The following USP3 variants were observed in gnomAD, a reference collection of about 807,000 sequenced individuals.
USP3 encodes ubiquitin carboxyl-terminal hydrolase 3.
In USP3, 20 loss-of-function variants were observed where a neutral mutation model predicts 72.3. The observed-to-expected ratio is 0.28, with a 90% CI of 0.19 to 0.40. The LOEUF (loss-of-function observed/expected upper bound fraction) is 0.40, where lower values mean the gene tolerates loss of function less well. Ranked by LOEUF, USP3 falls within the 10% of genes least tolerant of loss-of-function variation. The probability of loss-of-function intolerance (pLI) is 1.00; values close to 1 mark genes in which losing one functional copy is unlikely to be tolerated. For synonymous variants in USP3, 222 were observed against 225.3 expected, an observed-to-expected ratio of 0.99 and a Z score of 0.13; for missense variants, 479 against 633.9, an observed-to-expected ratio of 0.76 and a Z score of 2.62.
chr15:63,554,322 C>T (rs564640115), intron 4 of USP3, among the ~76,000 whole-genome samples: 8 of 152,294 alleles, frequency 5.3e-5, no homozygotes, highest in Non-Finnish European at 1.0e-4. Flanking sequence ...GTTGACATTA[C>T]AAGGAGCTAT....
At chr15:63,585,872 G>T (rs2067050462) in intron 11 of USP3, among the ~76,000 whole-genome samples, 1 of 123,702 alleles carries the variant, frequency 8.1e-6, no homozygotes, top group African/African-American at 3.0e-5. Context: ...TGCTATTCTT[G>T]GTCTTTTGCC....
rs28433624 is a variant in USP3 at position 63,513,871 on chromosome 15, G to A, written c.91+9041G>A. Among the ~76,000 whole-genome samples the A allele has an allele frequency of 1.3e-3, 204 of 152,240 alleles. 1 individual carries two copies. Among genetic ancestry groups the A allele is most frequent in the African/African-American group, 4.7e-3 (196 of 41,550 alleles). ...TTAGAAAAATGTTCTACTATATTAG[G>A]CATTTAAAAAATAACTGTATAATAT... On this transcript the variant is annotated intron_variant, in intron 1 of 14. Transcript: ENST00000380324.
In USP3 at chr15:63,553,963, C is replaced by G. The variant is rs913675623; in HGVS notation, c.368+165C>G. 6.6e-6 allele frequency among the ~76,000 whole-genome samples: 1 copy of G among 151,846 alleles called. No individual in the cohort carries two copies. Among genetic ancestry groups the G allele is most frequent in the African/African-American group, 2.4e-5 (1 of 41,328 alleles). ...TGGCTTTGGATAGCTAAAACTTGGC[C>G]CATAGTTAATGGTCATAGCTGTGCA... On this transcript the variant is annotated intron_variant, in intron 4 of 14. Coordinates refer to ENST00000380324, the MANE Select transcript of USP3 (RefSeq NM_006537.4). The surrounding 1 kb of genome is among the most constrained non-coding windows in gnomAD (Gnocchi z 4.2).
intron 14 of USP3, among the ~76,000 whole-genome samples, chr15:63,589,406 A>G (rs1163142447): frequency 6.6e-6 from 1 of 152,202 alleles, no homozygotes; most frequent in East Asian, 1.9e-4. Context: ...TTTTCCCCTG[A>G]AAGTTTGTAT....
chr15:63,522,289 C>T (rs758973689), intron 1 of USP3, among the ~76,000 whole-genome samples: 6 of 152,198 alleles, frequency 3.9e-5, no homozygotes, highest in Non-Finnish European at 8.8e-5. Context: ...GCTAGCATAG[C>T]TTCCCATCAG....
At chr15:63,564,052 G>A (rs997516478) in intron 8 of USP3, among the ~76,000 whole-genome samples, 1 of 152,116 alleles carries the variant, frequency 6.6e-6, no homozygotes, top group South Asian at 2.1e-4. Context: ...GGAAAGGCAG[G>A]AATGACAGTT....
intron 1 of USP3, among the ~76,000 whole-genome samples, chr15:63,507,878 T>A (rs1161432460): frequency 7.6e-6 from 1 of 132,092 alleles, no homozygotes; most frequent in Non-Finnish European, 1.6e-5. Flanking sequence ...TATTTATTAA[T>A]ATGCTTACAA....
intron 6 of USP3, 35 bp from the exon 7 acceptor site, chr15:63,559,821 TC>T (rs1203757982): frequency 1.3e-6 from 2 of 1,554,474 alleles, no homozygotes; most frequent in South Asian, 1.2e-5. Context: ...CCTATTCTTT[TC>T]TTTTTAAAAT....
intron 3 of USP3, among the ~76,000 whole-genome samples, chr15:63,547,465 C>A (rs977716828): frequency 2.6e-5 from 4 of 152,030 alleles, no homozygotes; most frequent in Non-Finnish European, 5.9e-5. Flanking sequence ...CATAGTGGCT[C>A]AGTCTTGTAA....
At chr15:63,523,476 A>C (rs1264331741) in intron 1 of USP3, among the ~76,000 whole-genome samples, 1 of 152,226 alleles carries the variant, frequency 6.6e-6, no homozygotes, top group Non-Finnish European at 1.5e-5. Flanking sequence ...CAGTGGAACA[A>C]ATTCCTACAA....
In USP3 at chr15:63,544,445, C is replaced by A. The variant is rs1383974573; in HGVS notation, c.284+7289C>A. 4.5e-6 allele frequency: 2 copies of A among 445,440 alleles called. No homozygotes were observed. Among genetic ancestry groups the A allele is most frequent in the South Asian group, 3.7e-5 (1 of 27,162 alleles). The allele number at this position is 445,440 out of a possible 1,614,324, so 27.6% of individuals were successfully genotyped here. ...AAGGGGAAGTAGCTGGATTTCAATC[C>A]AAAGTTATTGTTTTGACTTTAGTAG... On this transcript the variant is annotated intron_variant, in intron 3 of 14. Coordinates refer to ENST00000380324, the MANE Select transcript of USP3 (RefSeq NM_006537.4). This position sits in a 1 kb window ranked among gnomAD's most constrained non-coding sequence, Gnocchi z 4.2.
At chr15:63,507,467 CTT>C (rs1387543521) in intron 1 of USP3, among the ~76,000 whole-genome samples, 1 of 152,084 alleles carries the variant, frequency 6.6e-6, no homozygotes, top group African/African-American at 2.4e-5. Flanking sequence ...TTTGTGAAAA[CTT>C]TGAGAAACTT....
chr15:63,568,797 G>A (rs1218070137), intron 8 of USP3, among the ~76,000 whole-genome samples: 3 of 152,152 alleles, frequency 2.0e-5, no homozygotes, highest in African/African-American at 7.2e-5. Flanking sequence ...GTGTTCCCTG[G>A]TAAATTTCAC....
intron 1 of USP3, among the ~76,000 whole-genome samples, chr15:63,520,156 C>T (rs965958472): frequency 6.6e-6 from 1 of 152,122 alleles, no homozygotes; most frequent in Non-Finnish European, 1.5e-5. Flanking sequence ...AGCATATCTA[C>T]ATCTGTTTAT....
In USP3 at chr15:63,574,473, T is replaced by C; in HGVS notation, c.1096+70T>C. The C allele has an allele frequency of 8.5e-7, 1 of 1,178,118 alleles. No individual in the cohort carries two copies. Among genetic ancestry groups the C allele is most frequent in the Admixed American group, 2.6e-5 (1 of 39,034 alleles). The allele number at this position is 1,178,118 out of a possible 1,614,324, so 73.0% of individuals were successfully genotyped here. ...TGAATAGATTGATAAGCTTCATCTATATGTGGTATCTTTAATTAATATCTT... is the reference window on the plus strand; with the variant it reads ...TGAATAGATTGATAAGCTTCATCTACATGTGGTATCTTTAATTAATATCTT... On this transcript the variant is annotated intron_variant, in intron 11 of 14. Transcript: ENST00000380324. This position sits in a 1 kb window ranked among gnomAD's most constrained non-coding sequence, Gnocchi z 4.6.
At position 63,528,864 on chromosome 15, in the gene USP3, G is replaced by A. The variant is rs2066023730; in HGVS notation, c.92-3783G>A. The A allele has an allele frequency of 2.6e-6, 1 of 390,192 alleles. No individual in the cohort carries two copies. The highest frequency in any genetic ancestry group is 9.0e-5 in the East Asian group (1 of 11,082). 24.2% of individuals were successfully genotyped at this position (390,192 alleles called of 1,614,324 possible). A position where few individuals can be genotyped will look rare whatever the true frequency, so the allele number is the denominator to read the frequency against. Reference sequence around the variant, plus strand: ...ATTGAGAGTTTAATTTAAAGCCAGTGTTTTTCAGTCTATTTTATATTTGTC... The same window carrying A: ...ATTGAGAGTTTAATTTAAAGCCAGTATTTTTCAGTCTATTTTATATTTGTC... On this transcript the variant is annotated intron_variant, in intron 1 of 14. Transcript: ENST00000380324. This position sits in a 1 kb window ranked among gnomAD's most constrained non-coding sequence, Gnocchi z 4.3.
intron 1 of USP3, among the ~76,000 whole-genome samples, chr15:63,516,125 G>C (rs1223511625): frequency 6.6e-6 from 1 of 152,010 alleles, no homozygotes; most frequent in Admixed American, 6.6e-5. Flanking sequence ...TTTTTCTTGA[G>C]TCAATAATTG....
At position 63,547,862 on chromosome 15, in the gene USP3, GGC is replaced by G. The variant is rs1364267098; in HGVS notation, c.285-5852_285-5851del. The stretch of plus-strand genomic sequence containing the variant: ...GGAGGGAGGGAGAGAGAGAGAGAGA[GGC>G]ATAGAGAGAGAGAGAGAGAGAGAGA... On this transcript the variant is annotated intron_variant, in intron 3 of 14. Coordinates refer to ENST00000380324, the MANE Select transcript of USP3 (RefSeq NM_006537.4). Among the ~76,000 whole-genome samples, 61 of 32,898 alleles carry G rather than the reference GGC, an allele frequency of 1.9e-3. 6 individuals are homozygous for G. Among genetic ancestry groups the G allele is most frequent in the African/African-American group, 6.6e-3 (54 of 8,244 alleles). 21.6% of individuals were successfully genotyped at this position (32,898 alleles called of 152,430 possible). A position where few individuals can be genotyped will look rare whatever the true frequency, so the allele number is the denominator to read the frequency against.
chr15:63,525,341 T>C (rs1198709769), intron 1 of USP3, among the ~76,000 whole-genome samples: 1 of 152,174 alleles, frequency 6.6e-6, no homozygotes, highest in East Asian at 1.9e-4. Context: ...AAGCTCTATA[T>C]TGGTCACCCC....
Sources: gnomAD v4.1 joint callset for allele counts (sites outside exome capture counted in the v4.1 genomes callset) on GRCh38, gnomAD v4.1.1 for gene constraint, Gnocchi (gnomAD v3.1) non-coding constraint, MANE v1.5 for transcripts, NCBI Gene and HGNC (gene_info 2026-07-23, HGNC 2026-07-21) for gene names.